Variants in LGR6 observed in about 807,000 individuals in gnomAD.
LGR6 encodes leucine-rich repeat-containing G protein-coupled receptor 6.
In LGR6, 45 loss-of-function variants were observed where a neutral mutation model predicts 69.4. The ratio of observed to expected loss-of-function variants is 0.65; its 90% CI spans 0.51 to 0.83. The LOEUF (loss-of-function observed/expected upper bound fraction) is 0.83. LGR6 is among the 40% of genes least tolerant of loss of function. The pLI, the probability that LGR6 is intolerant of heterozygous loss-of-function variation, is 0.00. For synonymous variants in LGR6, 538 were observed against 555.0 expected, an observed-to-expected ratio of 0.97 and a Z score of 0.43; for missense variants, 1,108 against 1,246.7, an observed-to-expected ratio of 0.89 and a Z score of 1.68.
intron 6 of LGR6, among the ~76,000 whole-genome samples, chr1:202,289,168 C>T (rs1039721070): frequency 2.0e-5 from 3 of 152,180 alleles, no homozygotes; most frequent in Non-Finnish European, 2.9e-5. Context: ...TTCCAGCTGA[C>T]AGGATGAGGG....
chr1:202,244,899 C>T (rs1212099016), intron 4 of LGR6, among the ~76,000 whole-genome samples: 1 of 152,190 alleles, frequency 6.6e-6, no homozygotes, highest in Admixed American at 6.5e-5. Context: ...GCCGGCTGTG[C>T]CCACCATGGG....
At chr1:202,278,386 C>T (rs1053564994) in intron 5 of LGR6, among the ~76,000 whole-genome samples, 2 of 152,020 alleles carry the variant, frequency 1.3e-5, no homozygotes, top group African/African-American at 4.8e-5. Context: ...AGGAATTGGC[C>T]TATAAGTCAG....
At chr1:202,307,967 C>A (rs148214100) in intron 14 of LGR6, among the ~76,000 whole-genome samples, 1 of 152,296 alleles carries the variant, frequency 6.6e-6, no homozygotes, top group African/African-American at 2.4e-5. Context: ...TTATTCACTG[C>A]GCAAGCACTC....
At chr1:202,256,719 C>G (rs1663804926) in intron 4 of LGR6, among the ~76,000 whole-genome samples, 1 of 152,104 alleles carries the variant, frequency 6.6e-6, no homozygotes, top group South Asian at 2.1e-4. Flanking sequence ...GTCAGTTATC[C>G]TGGGTATCTA....
intron 9 of LGR6, among the ~76,000 whole-genome samples, 159 bp downstream of exon 9, chr1:202,301,394 C>A (rs1033421397): frequency 6.6e-6 from 1 of 152,162 alleles, no homozygotes; most frequent in Non-Finnish European, 1.5e-5. Flanking sequence ...TTGCTCAGAC[C>A]CGTTCCCACC....
chr1:202,305,654 C>G (rs781122245), intron 11 of LGR6, 30 bp from the exon 12 acceptor site: 5 of 1,607,060 alleles, frequency 3.1e-6, no homozygotes, highest in Non-Finnish European at 4.3e-6. Flanking sequence ...CACCATTTCA[C>G]CCCAGCCCTG....
At chr1:202,299,770 A>G (rs1667444006) in intron 7 of LGR6, among the ~76,000 whole-genome samples, 1 of 152,208 alleles carries the variant, frequency 6.6e-6, no homozygotes, top group Admixed American at 6.5e-5. Flanking sequence ...GGCAGGAGGA[A>G]GACAGAGGTG....
At chr1:202,255,392 A>C (rs12123327) in intron 4 of LGR6, among the ~76,000 whole-genome samples, 16,851 of 152,160 alleles carry the variant, frequency 0.11, 1,077 homozygotes, top group Middle Eastern at 0.23. Flanking sequence ...CTGGTGACTG[A>C]TTGTATAGGA....
intron 3 of LGR6, among the ~76,000 whole-genome samples, chr1:202,233,280 G>A (rs1661241878): frequency 6.6e-6 from 1 of 152,178 alleles, no homozygotes; most frequent in Non-Finnish European, 1.5e-5. Context: ...GGTGATGTAG[G>A]TAAAGATGCA....
chr1:202,244,248 C>T (rs114602630), intron 4 of LGR6, among the ~76,000 whole-genome samples: 2,463 of 152,222 alleles, frequency 0.016, 15 homozygotes, highest in Non-Finnish European at 0.02. Context: ...TGAGCCACCA[C>T]GCCCAGCCTA....
intron 1 of LGR6, among the ~76,000 whole-genome samples, chr1:202,198,668 GTTT>G (rs56275558): frequency 8.6e-5 from 11 of 127,668 alleles, no homozygotes; most frequent in African/African-American, 3.0e-4. Context: ...GTAATTTTAG[GTTT>G]TTTTTTTTTT....
At chr1:202,301,039 G>T in intron 8 of LGR6, 119 bp downstream of exon 8, 2 of 1,291,062 alleles carry the variant, frequency 1.5e-6, no homozygotes, top group Non-Finnish European at 1.1e-6. Flanking sequence ...GTATGGGAGG[G>T]GTTGCCTTTC....
intron 4 of LGR6, among the ~76,000 whole-genome samples, chr1:202,266,898 A>ATG (rs1553248771): frequency 1.4e-4 from 21 of 150,518 alleles, no homozygotes; most frequent in East Asian, 5.9e-4. Flanking sequence ...TCTCTCTCTA[A>ATG]CGCGCGCACA....
chr1:202,216,758 G>C (rs1309230137), intron 1 of LGR6, among the ~76,000 whole-genome samples: 2 of 152,180 alleles, frequency 1.3e-5, no homozygotes, highest in Admixed American at 6.5e-5. Flanking sequence ...GGGAGGCCTG[G>C]GTCCCTTTAA....
At chr1:202,230,090 C>A (rs570001028) in intron 3 of LGR6, among the ~76,000 whole-genome samples, 1 of 152,080 alleles carries the variant, frequency 6.6e-6, no homozygotes, top group Admixed American at 6.5e-5. Context: ...GGCCTGGGAC[C>A]CTTATCTGAG....
At chr1:202,241,632 A>G (rs1662213289) in intron 4 of LGR6, among the ~76,000 whole-genome samples, 1 of 151,258 alleles carries the variant, frequency 6.6e-6, no homozygotes, top group East Asian at 2.0e-4. Flanking sequence ...ACAGGAAGCC[A>G]GCAGAGCCTG....
chr1:202,311,668 C>CTAAA (rs1213602552), intron 16 of LGR6, among the ~76,000 whole-genome samples: 2 of 152,086 alleles, frequency 1.3e-5, no homozygotes, highest in Non-Finnish European at 2.9e-5. Flanking sequence ...TCTCAAAAAA[C>CTAAA]TAAATAAATA....
intron 4 of LGR6, among the ~76,000 whole-genome samples, chr1:202,269,786 C>T (rs1487313614): frequency 6.6e-6 from 1 of 152,200 alleles, no homozygotes; most frequent in Non-Finnish European, 1.5e-5. Context: ...AAGAGGAGGA[C>T]ACCTGCCCTC....
At chr1:202,232,862 A>G (rs1033333061) in intron 3 of LGR6, among the ~76,000 whole-genome samples, 2 of 152,206 alleles carry the variant, frequency 1.3e-5, no homozygotes, top group African/African-American at 2.4e-5. Context: ...ACTTAGGGCA[A>G]GTTACCTTCC....
Sources: gnomAD v4.1 joint callset for allele counts (sites outside exome capture counted in the v4.1 genomes callset) on GRCh38, gnomAD v4.1.1 for gene constraint, MANE v1.5 for transcripts, NCBI Gene and HGNC (gene_info 2026-07-23, HGNC 2026-07-21) for gene names.